Variants in BMP7 observed in about 807,000 individuals in gnomAD.
BMP7 encodes osteogenic protein 1.
Under a neutral mutation model 41.2 loss-of-function variants are expected in BMP7, and 12 were observed. The ratio of observed to expected loss-of-function variants is 0.29; its 90% CI spans 0.19 to 0.47. BMP7 has a LOEUF of 0.47. Ranked by LOEUF, BMP7 falls within the 20% of genes least tolerant of loss-of-function variation. The probability of loss-of-function intolerance (pLI) is 0.99; values close to 1 mark genes in which losing one functional copy is unlikely to be tolerated. For missense variants in BMP7, 467 were observed against 606.0 expected (o/e 0.77, Z 2.41); for synonymous variants, 248 against 250.0 (o/e 0.99, Z 0.07).
intron 3 of BMP7, among the ~76,000 whole-genome samples, chr20:57,196,257 G>A (rs1296714668): frequency 6.6e-6 from 1 of 152,146 alleles, no homozygotes; most frequent in Non-Finnish European, 1.5e-5. Flanking sequence ...GTAGAAGACG[G>A]CACAAGGAAA....
In BMP7 at chr20:57,261,189, G is replaced by A. The variant is rs148647683; in HGVS notation, c.418+4516C>T. ...ATCGCGCACCAGCTGTGTTTATCTC[G>A]GCAAAGGCTTGAGAGCCTACTACGC... is the stretch of plus-strand genomic sequence containing the variant. On this transcript the variant is annotated intron_variant, in intron 1 of 6. Transcript: ENST00000395863. The surrounding 1 kb of genome is among the most constrained non-coding windows in gnomAD (Gnocchi z 4.1). Among the ~76,000 whole-genome samples, 1,502 of 152,288 alleles carry A rather than the reference G, an allele frequency of 9.9e-3. 10 individuals are homozygous for A. The highest frequency in any genetic ancestry group is 0.021 in the Middle Eastern group (6 of 292).
chr20:57,182,482 T>C (rs539973429), intron 4 of BMP7, among the ~76,000 whole-genome samples: 2 of 152,320 alleles, frequency 1.3e-5, no homozygotes, highest in Admixed American at 6.5e-5. Context: ...GCCTGGTGAA[T>C]TGTCAGAAAG....
chr20:57,199,101 A>C (rs2123085703), intron 3 of BMP7, among the ~76,000 whole-genome samples: 1 of 152,272 alleles, frequency 6.6e-6, no homozygotes, highest in East Asian at 1.9e-4. Context: ...TAATATCAGT[A>C]AGAGGTCCCC....
At chr20:57,242,554 T>C (rs921045874) in intron 1 of BMP7, among the ~76,000 whole-genome samples, 8 of 152,324 alleles carry the variant, frequency 5.3e-5, no homozygotes, top group African/African-American at 1.4e-4. Flanking sequence ...TTTTGACCTG[T>C]ATGGGGTTCA....
At position 57,183,599 on chromosome 20, in the gene BMP7, A is replaced by C. The variant is rs6070015; in HGVS notation, c.958+123T>G. 336 of 1,281,022 alleles carry C rather than the reference A, an allele frequency of 2.6e-4. 1 individual carries two copies. The African/African-American group carries it at 4.3e-3, about 16-fold the overall frequency. 79.4% of individuals were successfully genotyped at this position (1,281,022 alleles called of 1,614,324 possible). A position where few individuals can be genotyped will look rare whatever the true frequency, so the allele number is the denominator to read the frequency against. Reference sequence around the variant, plus strand: ...TGGATTTGGGGGTTTTCTTCCTGCTATATTTGTTCCAGAGCCATCTGGTGA... The same window carrying C: ...TGGATTTGGGGGTTTTCTTCCTGCTCTATTTGTTCCAGAGCCATCTGGTGA... On this transcript the variant is annotated intron_variant, in intron 4 of 6. Coordinates refer to ENST00000395863, the MANE Select transcript of BMP7 (RefSeq NM_001719.3).
intron 1 of BMP7, among the ~76,000 whole-genome samples, chr20:57,255,925 C>T (rs527658428): frequency 2.0e-5 from 3 of 151,944 alleles, no homozygotes; most frequent in South Asian, 2.1e-4. Flanking sequence ...CTGTATCTTC[C>T]GGGGAAACAC....
chr20:57,229,962 C>T (rs1025103410), intron 1 of BMP7, among the ~76,000 whole-genome samples: 4 of 152,192 alleles, frequency 2.6e-5, no homozygotes, highest in Non-Finnish European at 4.4e-5. Flanking sequence ...ATTACCCGCT[C>T]AGGCTGTTCC....
intron 4 of BMP7, chr20:57,178,003 TAA>T (rs1392480508): frequency 1.3e-5 from 2 of 152,284 alleles, no homozygotes; most frequent in Non-Finnish European, 2.9e-5. Context: ...GGGTCATAGA[TAA>T]GTGAGTGCAC....
intron 4 of BMP7, among the ~76,000 whole-genome samples, chr20:57,183,342 AC>A (rs976924846): frequency 2.0e-5 from 3 of 151,522 alleles, no homozygotes; most frequent in African/African-American, 7.3e-5. Flanking sequence ...GATACAGCAA[AC>A]TCTTCTACCT....
At chr20:57,234,866 C>T (rs1257767513) in intron 1 of BMP7, among the ~76,000 whole-genome samples, 2 of 152,240 alleles carry the variant, frequency 1.3e-5, no homozygotes, top group Admixed American at 1.3e-4. Context: ...TCACGCAATT[C>T]CTTTCTAGTT....
chr20:57,188,125 G>A (rs779859305), intron 3 of BMP7, among the ~76,000 whole-genome samples: 4 of 152,082 alleles, frequency 2.6e-5, no homozygotes, highest in South Asian at 2.1e-4. Flanking sequence ...CTGAAAACAC[G>A]GGTTCACATG....
chr20:57,264,799 AGG>A (rs1449902563), intron 1 of BMP7, among the ~76,000 whole-genome samples: 2 of 152,180 alleles, frequency 1.3e-5, no homozygotes, highest in Non-Finnish European at 2.9e-5. Flanking sequence ...TGGGAGGCTG[AGG>A]CGGGAGGATC....
intron 2 of BMP7, among the ~76,000 whole-genome samples, chr20:57,219,516 A>T (rs1329334653): frequency 6.6e-6 from 1 of 152,078 alleles, no homozygotes; most frequent in African/African-American, 2.4e-5. Context: ...GGGATGTGTC[A>T]TTGGCATCTG....
At chr20:57,193,934 G>A (rs113602887) in intron 3 of BMP7, among the ~76,000 whole-genome samples, 4,507 of 152,330 alleles carry the variant, frequency 0.03, 141 homozygotes, top group African/African-American at 0.071. Context: ...AGGCCCAATC[G>A]TTGCAGGGAG....
intron 1 of BMP7, among the ~76,000 whole-genome samples, chr20:57,265,322 G>C (rs2066171814): frequency 6.6e-6 from 1 of 152,332 alleles, no homozygotes; most frequent in Non-Finnish European, 1.5e-5. Context: ...AGGGCGGCAA[G>C]GCAGCCTCGC....
chr20:57,256,864 G>T (rs2066136141), intron 1 of BMP7, among the ~76,000 whole-genome samples: 1 of 151,608 alleles, frequency 6.6e-6, no homozygotes, highest in South Asian at 2.1e-4. Flanking sequence ...CTCCAGCCTG[G>T]GCAACAAAAG....
rs1336480833 is a variant in BMP7 at position 57,169,584 on chromosome 20, A to G, written c.*1375T>C. ...ATCTCCCCCTTAATTCAAGGAGCAA[A>G]TTTGTTTGCAGAGACTTCTGATCAG... On this transcript the variant is annotated 3_prime_UTR_variant, in exon 7 of 7. Coordinates refer to ENST00000395863, the MANE Select transcript of BMP7 (RefSeq NM_001719.3). The G allele has an allele frequency of 6.6e-6, 1 of 152,100 alleles. No homozygotes were observed. Among genetic ancestry groups the G allele is most frequent in the Non-Finnish European group, 1.5e-5 (1 of 68,034 alleles). The allele number at this position is 152,100 out of a possible 1,614,324, so 9.4% of individuals were successfully genotyped here.
At position 57,170,462 on chromosome 20, in the gene BMP7, G is replaced by T; in HGVS notation, c.*497C>A. The T allele has an allele frequency of 4.3e-6, 1 of 232,510 alleles. No individual in the cohort carries two copies. 14.4% of individuals were successfully genotyped at this position (232,510 alleles called of 1,614,324 possible). A position where few individuals can be genotyped will look rare whatever the true frequency, so the allele number is the denominator to read the frequency against. ...ATAAACCGAGAAATGGGGATAAATTGTTTAGGAAAATATATCTGTAACGTC... is the reference window on the plus strand; with the variant it reads ...ATAAACCGAGAAATGGGGATAAATTTTTTAGGAAAATATATCTGTAACGTC... On this transcript the variant is annotated 3_prime_UTR_variant, in exon 7 of 7. Coordinates refer to ENST00000395863, the MANE Select transcript of BMP7 (RefSeq NM_001719.3).
intron 3 of BMP7, among the ~76,000 whole-genome samples, chr20:57,189,562 T>C (rs1984302230): frequency 6.6e-6 from 1 of 152,200 alleles, no homozygotes; most frequent in Admixed American, 6.5e-5. Flanking sequence ...GCACCGTCAA[T>C]CCTGTTTCAT....
Sources: allele counts gnomAD v4.1 joint callset (sites outside exome capture counted in the v4.1 genomes callset), GRCh38; gene constraint gnomAD v4.1.1; non-coding constraint Gnocchi (gnomAD v3.1); transcripts MANE v1.5; gene names NCBI Gene and HGNC (gene_info 2026-07-23, HGNC 2026-07-21).